The following SEMA6D variants were observed in gnomAD, a reference collection of about 807,000 sequenced individuals.
The protein encoded by SEMA6D is semaphorin 6D.
In SEMA6D, 35 loss-of-function variants were observed where a neutral mutation model predicts 106.6. That is an observed-to-expected ratio of 0.33 (90% CI 0.25 to 0.44). SEMA6D has a LOEUF of 0.44. Ranked by LOEUF, SEMA6D falls within the 20% of genes least tolerant of loss-of-function variation. The pLI is 1.00. For synonymous variants in SEMA6D, 499 were observed against 487.7 expected, an observed-to-expected ratio of 1.02 and a Z score of -0.31; for missense variants, 1,185 against 1,345.9, an observed-to-expected ratio of 0.88 and a Z score of 1.87.
chr15:47,426,346 T>G (rs984008085), intron 2 of SEMA6D, among the ~76,000 whole-genome samples: 1 of 152,094 alleles, frequency 6.6e-6, no homozygotes, highest in African/African-American at 2.4e-5. Context: ...TATTTGATAT[T>G]GTTGTCTAAT....
chr15:47,318,969 G>T (rs1010700043), intron 1 of SEMA6D, among the ~76,000 whole-genome samples: 1 of 152,116 alleles, frequency 6.6e-6, no homozygotes, highest in Non-Finnish European at 1.5e-5. Context: ...TCTAACTGGT[G>T]TGAGATGGTA....
intron 1 of SEMA6D, among the ~76,000 whole-genome samples, chr15:47,406,674 G>A (rs2040579465): frequency 6.6e-6 from 1 of 151,356 alleles, no homozygotes. Context: ...TATAAGATGA[G>A]TAAGTTCTGG....
chr15:47,337,194 A>C (rs531764368), intron 1 of SEMA6D, among the ~76,000 whole-genome samples: 1 of 152,294 alleles, frequency 6.6e-6, no homozygotes, highest in South Asian at 2.1e-4. Flanking sequence ...CTCTTAAGGC[A>C]ATCACCTGGG....
intron 1 of SEMA6D, among the ~76,000 whole-genome samples, chr15:47,351,454 C>CA (rs2038322797): frequency 6.6e-6 from 1 of 152,112 alleles, no homozygotes; most frequent in Non-Finnish European, 1.5e-5. Context: ...AAAATTCCCT[C>CA]ATGTATATTA....
chr15:47,189,780 G>C (rs922550831), intron 1 of SEMA6D, among the ~76,000 whole-genome samples: 3 of 152,124 alleles, frequency 2.0e-5, no homozygotes, highest in Non-Finnish European at 4.4e-5. Context: ...GATAAATAAT[G>C]ATCATTTAAA....
At chr15:47,438,166 A>T (rs2041780019) in intron 2 of SEMA6D, among the ~76,000 whole-genome samples, 1 of 152,042 alleles carries the variant, frequency 6.6e-6, no homozygotes, top group Non-Finnish European at 1.5e-5. Flanking sequence ...CTCTTCTTTC[A>T]CATCTCACAT....
chr15:47,608,538 A>G (rs2076829373), intron 4 of SEMA6D, among the ~76,000 whole-genome samples: 2 of 152,192 alleles, frequency 1.3e-5, no homozygotes, highest in Non-Finnish European at 2.9e-5. Flanking sequence ...GCTTTTCCTC[A>G]TTATTCCCTT....
chr15:47,220,164 A>G (rs1435537278), intron 1 of SEMA6D, among the ~76,000 whole-genome samples: 1 of 152,150 alleles, frequency 6.6e-6, no homozygotes. Context: ...TACACTCTGC[A>G]CCTTACAGAG....
intron 1 of SEMA6D, among the ~76,000 whole-genome samples, chr15:47,184,702 C>T (rs923581392): frequency 2.0e-5 from 3 of 152,234 alleles, no homozygotes; most frequent in African/African-American, 4.8e-5. Flanking sequence ...TGTGCCAGGC[C>T]GGGGGGAGGG....
chr15:47,626,305 G>A (rs2077201161), intron 4 of SEMA6D, among the ~76,000 whole-genome samples: 1 of 152,178 alleles, frequency 6.6e-6, no homozygotes, highest in Non-Finnish European at 1.5e-5. Context: ...TGCTTACTAA[G>A]ACACTATGGT....
chr15:47,600,105 C>A (rs993266447), intron 3 of SEMA6D, among the ~76,000 whole-genome samples: 7 of 152,030 alleles, frequency 4.6e-5, no homozygotes, highest in African/African-American at 1.2e-4. Flanking sequence ...CAAGTTGAAA[C>A]ATGTGCATAT....
At chr15:47,684,389 T>C (rs933707865) in intron 4 of SEMA6D, among the ~76,000 whole-genome samples, 1 of 152,044 alleles carries the variant, frequency 6.6e-6, no homozygotes, top group African/African-American at 2.4e-5. Flanking sequence ...AATCAAGATA[T>C]ATATATTCTT....
intron 4 of SEMA6D, among the ~76,000 whole-genome samples, chr15:47,677,388 G>A (rs1265238864): frequency 6.6e-6 from 1 of 152,164 alleles, no homozygotes; most frequent in Non-Finnish European, 1.5e-5. Context: ...GAGACCCAGG[G>A]AGAAGCTGCT....
intron 3 of SEMA6D, among the ~76,000 whole-genome samples, chr15:47,539,407 GT>G (rs34781241): frequency 0.42 from 62,842 of 149,526 alleles, 13,645 homozygotes; most frequent in African/African-American, 0.55. Context: ...CCCTGGCTCA[GT>G]TTTTTTTTTT....
intron 4 of SEMA6D, among the ~76,000 whole-genome samples, chr15:47,688,715 C>T (rs1470310689): frequency 1.3e-5 from 2 of 152,132 alleles, no homozygotes; most frequent in Admixed American, 6.5e-5. Context: ...TTTGAGTCTA[C>T]CGTTTCATAA....
intron 7 of SEMA6D, among the ~76,000 whole-genome samples, chr15:47,761,978 C>T (rs1388075963): frequency 2.0e-5 from 3 of 152,020 alleles, no homozygotes; most frequent in Non-Finnish European, 2.9e-5. Flanking sequence ...GGCCAGTGGC[C>T]CCCGATAAGT....
At position 47,380,655 on chromosome 15, in the gene SEMA6D, G is replaced by A. The variant is rs138574795; in HGVS notation, c.-238-31738G>A. 387 of 152,264 alleles carry A rather than the reference G, an allele frequency of 2.5e-3. 4 individuals carry two copies. Among genetic ancestry groups the A allele is most frequent in the African/African-American group, 8.9e-3 (369 of 41,562 alleles). 9.4% of individuals were successfully genotyped at this position (152,264 alleles called of 1,614,324 possible). ...AACATACACAAGCGACTGCTAGAAC[G>A]TAGACAACTCATTTTATGGGCATGG... On this transcript the variant is annotated intron_variant, in intron 1 of 19. Transcript: ENST00000558014.
At chr15:47,599,479 T>C in intron 3 of SEMA6D, among the ~76,000 whole-genome samples, 1 of 149,412 alleles carries the variant, frequency 6.7e-6, no homozygotes, top group East Asian at 2.0e-4. Flanking sequence ...GTAGATGGAG[T>C]TTGGAGAAAC....
At chr15:47,351,869 G>A (rs1360315393) in intron 1 of SEMA6D, among the ~76,000 whole-genome samples, 1 of 152,142 alleles carries the variant, frequency 6.6e-6, no homozygotes, top group Non-Finnish European at 1.5e-5. Context: ...TTCTTGAGAG[G>A]AAAGTACTAT....
Sources: gnomAD v4.1 joint callset for allele counts (sites outside exome capture counted in the v4.1 genomes callset) on GRCh38, gnomAD v4.1.1 for gene constraint, MANE v1.5 for transcripts, NCBI Gene and HGNC (gene_info 2026-07-23, HGNC 2026-07-21) for gene names.